The following WWOX variants were observed in gnomAD, a reference collection of about 807,000 sequenced individuals.
WWOX encodes WW domain-containing oxidoreductase.
A neutral mutation model predicts 46.2 loss-of-function variants in WWOX; 69 were observed. The ratio of observed to expected loss-of-function variants is 1.49; its 90% CI spans 1.23 to 1.82. WWOX has a LOEUF of 1.82. Among genes scored for constraint, WWOX ranks in the 40% most tolerant of loss-of-function variants. The pLI is 0.00. For missense variants in WWOX, 919 were observed against 542.6 expected (o/e 1.69, Z -6.89); for synonymous variants, 359 against 202.6 (o/e 1.77, Z -6.56).
intron 8 of WWOX, among the ~76,000 whole-genome samples, chr16:78,768,162 G>A (rs547282778): frequency 2.3e-4 from 34 of 150,274 alleles, no homozygotes; most frequent in African/African-American, 7.8e-4. Flanking sequence ...CGGGGCGGGG[G>A]GGTCGGTTAT....
chr16:78,476,284 G>A (rs535820114), intron 8 of WWOX, among the ~76,000 whole-genome samples: 2 of 152,296 alleles, frequency 1.3e-5, no homozygotes, highest in Admixed American at 1.3e-4. Context: ...TTTGAGAAGT[G>A]TCTGATCATA....
chr16:78,942,520 G>C (rs1002295569), intron 8 of WWOX, among the ~76,000 whole-genome samples: 2 of 152,172 alleles, frequency 1.3e-5, no homozygotes, highest in African/African-American at 4.8e-5. Context: ...TCTCTGGGCA[G>C]TGGGATGGGG....
At chr16:79,079,217 C>G (rs778793569) in intron 8 of WWOX, among the ~76,000 whole-genome samples, 1 of 152,198 alleles carries the variant, frequency 6.6e-6, no homozygotes, top group South Asian at 2.1e-4. Context: ...CATCCGCGGT[C>G]TTAGCAACAG....
intron 8 of WWOX, among the ~76,000 whole-genome samples, chr16:78,628,174 T>G (rs913060379): frequency 3.3e-5 from 5 of 151,428 alleles, no homozygotes; most frequent in African/African-American, 1.2e-4. Context: ...AGCTGGATGC[T>G]TGGAATTGTC....
At chr16:78,242,676 A>G (rs1019596738) in intron 5 of WWOX, among the ~76,000 whole-genome samples, 1 of 152,142 alleles carries the variant, frequency 6.6e-6, no homozygotes, top group African/African-American at 2.4e-5. Context: ...CCCATGGCTA[A>G]TAGGGGACAG....
rs72803964 is a variant in WWOX, at chr16:78,569,472, A to G, written c.1056+136720A>G. 7.6e-3 allele frequency among the ~76,000 whole-genome samples: 1,158 copies of G among 152,346 alleles called. 8 individuals are homozygous for G. Among genetic ancestry groups the G allele is most frequent in the Non-Finnish European group, 0.013 (851 of 68,028 alleles). ...AGGAGCAGTTGGAGAAAAGGGGGAAAAAGTTAAATGTTAATGATTCTTTTC... is the reference window on the plus strand; with the variant it reads ...AGGAGCAGTTGGAGAAAAGGGGGAAGAAGTTAAATGTTAATGATTCTTTTC... On this transcript the variant is annotated intron_variant, in intron 8 of 8. Coordinates refer to ENST00000566780, the MANE Select transcript of WWOX (RefSeq NM_016373.4).
intron 8 of WWOX, among the ~76,000 whole-genome samples, chr16:78,500,733 A>C (rs1273336975): frequency 6.6e-6 from 1 of 152,212 alleles, no homozygotes; most frequent in African/African-American, 2.4e-5. Context: ...TGGAAGCCCC[A>C]GTAATATCAT....
At chr16:78,509,743 T>G (rs2085311551) in intron 8 of WWOX, among the ~76,000 whole-genome samples, 1 of 152,160 alleles carries the variant, frequency 6.6e-6, no homozygotes, top group African/African-American at 2.4e-5. Flanking sequence ...ATTGCAATGT[T>G]AATAATGCAG....
At chr16:78,901,201 G>A (rs1465864661) in intron 8 of WWOX, among the ~76,000 whole-genome samples, 1 of 152,190 alleles carries the variant, frequency 6.6e-6, no homozygotes, top group African/African-American at 2.4e-5. Flanking sequence ...GGTGCTGAAG[G>A]AGATAAAGGA....
At chr16:78,620,994 A>C (rs982399468) in intron 8 of WWOX, among the ~76,000 whole-genome samples, 4 of 152,150 alleles carry the variant, frequency 2.6e-5, no homozygotes, top group African/African-American at 9.7e-5. Context: ...TGCAATTTCA[A>C]AATAATCCAA....
At chr16:78,699,906 G>C (rs893278200) in intron 8 of WWOX, among the ~76,000 whole-genome samples, 1 of 152,034 alleles carries the variant, frequency 6.6e-6, no homozygotes, top group Non-Finnish European at 1.5e-5. Context: ...GCATTGTCCC[G>C]TCCCTATGAG....
intron 4 of WWOX, among the ~76,000 whole-genome samples, chr16:78,117,602 A>G (rs1318578880): frequency 6.6e-6 from 1 of 152,198 alleles, no homozygotes; most frequent in Middle Eastern, 3.2e-3. Context: ...TGCCTTAGAA[A>G]GTGTCCTTGC....
intron 8 of WWOX, among the ~76,000 whole-genome samples, chr16:78,573,359 G>C (rs568673387): frequency 6.4e-4 from 98 of 152,306 alleles, no homozygotes; most frequent in African/African-American, 2.2e-3. Context: ...ATAGGTATCA[G>C]ATACTTGGCT....
chr16:78,536,375 T>C (rs902864221), intron 8 of WWOX, among the ~76,000 whole-genome samples: 1 of 151,792 alleles, frequency 6.6e-6, no homozygotes, highest in African/African-American at 2.4e-5. Flanking sequence ...AGCTGCGAGC[T>C]GTGGGGCATC....
intron 6 of WWOX, among the ~76,000 whole-genome samples, chr16:78,422,682 T>TATATATATATATATATATATATAC (rs2082963498): frequency 1.3e-5 from 1 of 74,460 alleles, no homozygotes; most frequent in African/African-American, 7.6e-5. Context: ...TATATATATA[T>TATATATATATATATATATATATAC]ATACACACAC....
intron 8 of WWOX, among the ~76,000 whole-genome samples, chr16:78,951,070 G>A (rs1173038995): frequency 6.6e-6 from 1 of 152,188 alleles, no homozygotes; most frequent in Non-Finnish European, 1.5e-5. Flanking sequence ...GGCCAGATGA[G>A]GACAGAATTT....
intron 8 of WWOX, among the ~76,000 whole-genome samples, chr16:79,169,637 C>T (rs2050661896): frequency 6.6e-6 from 1 of 152,180 alleles, no homozygotes; most frequent in African/African-American, 2.4e-5. Context: ...GAAATGATGG[C>T]ACAAGCCCTA....
intron 5 of WWOX, among the ~76,000 whole-genome samples, chr16:78,233,315 TGTG>T (rs67680007): frequency 0.41 from 62,160 of 151,684 alleles, 13,254 homozygotes; most frequent in Admixed American, 0.59. Flanking sequence ...AATATTTTAT[TGTG>T]GTAAAAACAC....
intron 8 of WWOX, among the ~76,000 whole-genome samples, chr16:78,600,751 A>G (rs571462730): frequency 5.9e-5 from 9 of 152,334 alleles, no homozygotes; most frequent in Non-Finnish European, 1.0e-4. Context: ...GGACACTGAG[A>G]GAATTCTAGG....
Sources: allele counts gnomAD v4.1 joint callset (sites outside exome capture counted in the v4.1 genomes callset), GRCh38; gene constraint gnomAD v4.1.1; transcripts MANE v1.5; gene names NCBI Gene and HGNC (gene_info 2026-07-23, HGNC 2026-07-21).